C4orf50: variants seen among roughly 807,000 people sequenced by gnomAD.
The protein encoded by C4orf50 is uncharacterized protein C4orf50.
In C4orf50, 80 loss-of-function variants were observed where a neutral mutation model predicts 77.2. The ratio of observed to expected loss-of-function variants is 1.04; its 90% CI spans 0.87 to 1.25. The LOEUF is 1.25. C4orf50 is among the 50% of genes most tolerant of loss of function. The pLI, the probability that C4orf50 is intolerant of heterozygous loss-of-function variation, is 0.00. For synonymous variants in C4orf50, 532 were observed against 465.3 expected, an observed-to-expected ratio of 1.14 and a Z score of -1.84; for missense variants, 1,257 against 1,152.9, an observed-to-expected ratio of 1.09 and a Z score of -1.31.
At chr4:5,969,678 G>C (rs1485661151) in intron 31 of C4orf50, among the ~76,000 whole-genome samples, 1 of 152,104 alleles carries the variant, frequency 6.6e-6, no homozygotes, top group African/African-American at 2.4e-5. Context: ...GGGGTCTTTA[G>C]TCTAATTCAA....
In C4orf50 at chr4:6,003,533, T is replaced by C. The variant is rs555853202; in HGVS notation, c.963+4463A>G. On this transcript the variant is annotated intron_variant, in intron 25 of 33. Transcript: ENST00000531445. The stretch of plus-strand genomic sequence containing the variant: ...GGTGATGGTGATGATGATGTGGTGG[T>C]GATGGTGATGGTGACTGTGATGGTG... Among the ~76,000 whole-genome samples the C allele has an allele frequency of 2.4e-4, 36 of 151,498 alleles. No homozygotes were observed. In the South Asian group the frequency reaches 7.5e-3, roughly 32 times the overall value.
chr4:5,907,224 G>T (rs1322798894), intron 7 of C4orf50, among the ~76,000 whole-genome samples: 1 of 152,190 alleles, frequency 6.6e-6, no homozygotes, highest in Non-Finnish European at 1.5e-5. Context: ...CATTATACAT[G>T]ATAACATATA....
At chr4:5,926,242 A>C (rs1717505935) in intron 7 of C4orf50, among the ~76,000 whole-genome samples, 1 of 152,232 alleles carries the variant, frequency 6.6e-6, no homozygotes, top group Admixed American at 6.5e-5. Context: ...ATCCAGGGGA[A>C]CATTATTTAG....
chr4:5,993,919 C>T (rs1293835780), intron 26 of C4orf50, among the ~76,000 whole-genome samples: 2 of 151,990 alleles, frequency 1.3e-5, no homozygotes, highest in Non-Finnish European at 2.9e-5. Context: ...TTCTAAGCCC[C>T]AGCAGCTTCC....
At chr4:5,985,960 C>T (rs1720831126) in intron 28 of C4orf50, among the ~76,000 whole-genome samples, 1 of 152,138 alleles carries the variant, frequency 6.6e-6, no homozygotes, top group Admixed American at 6.5e-5. Flanking sequence ...CAGAGCGAGA[C>T]AGCGTCTCAA....
At chr4:6,010,881 G>A (rs1320015852) in intron 24 of C4orf50, among the ~76,000 whole-genome samples, 1 of 152,182 alleles carries the variant, frequency 6.6e-6, no homozygotes, top group Non-Finnish European at 1.5e-5. Context: ...CCTACTGTTG[G>A]GAGTCTTTTA....
Position 5,934,237 on chromosome 4 carries a change from G to A in C4orf50, c.*2474+22664C>T, listed in dbSNP as rs191727315. On this transcript the variant is annotated intron_variant, in intron 7 of 7. Transcript: ENST00000324058. ...GACAGTGTTTGGCGGCGACACAGGA[G>A]TCACGGCTGCTCTGAAACTCCACGA... Among the ~76,000 whole-genome samples the A allele has an allele frequency of 1.2e-3, 186 of 152,260 alleles. 1 individual carries two copies. In the South Asian group the frequency reaches 0.015, roughly 12 times the overall value.
chr4:5,991,785 T>A (rs1011338164), intron 27 of C4orf50, among the ~76,000 whole-genome samples: 13 of 152,040 alleles, frequency 8.6e-5, no homozygotes, highest in African/African-American at 3.1e-4. Context: ...GAGGGTGACA[T>A]ACCAGCAGCA....
rs745419122 is a variant in C4orf50 at position 5,959,361 on chromosome 4, AATGAGTGGCCCT to A, written c.*2_*13del. The A allele has an allele frequency of 1.9e-5, 31 of 1,607,404 alleles. No homozygotes were observed. The highest frequency in any genetic ancestry group is 8.4e-5 in the Admixed American group (5 of 59,714). ...TGGAGTCTATGAAATGGCTCCGGAGAATGAGTGGCCCTATTACATTTCTAACTCCAGCGGTGA... is the reference window on the plus strand; with the variant it reads ...TGGAGTCTATGAAATGGCTCCGGAGAATTACATTTCTAACTCCAGCGGTGA... On this transcript the variant is annotated 3_prime_UTR_variant, in exon 34 of 34. Transcript: ENST00000531445.
intron 7 of C4orf50, among the ~76,000 whole-genome samples, chr4:5,926,364 C>T (rs776246972): frequency 5.3e-5 from 8 of 152,288 alleles, no homozygotes; most frequent in Non-Finnish European, 1.2e-4. Context: ...TGATTCTCTT[C>T]CCACGAAGGG....
rs1426779823 is a variant in C4orf50, at chr4:5,924,034, G to T, written c.*2475-25846C>A. 2.6e-5 allele frequency among the ~76,000 whole-genome samples: 4 copies of T among 151,878 alleles called. No individual in the cohort carries two copies. The East Asian group carries it at 7.8e-4, about 29-fold the overall frequency. On this transcript the variant is annotated intron_variant, in intron 7 of 7. Coordinates refer to the C4orf50 transcript ENST00000324058. ...TAGGCTCCAAGTTCTTCAGCTTTTGGACTCTGGGACCTACACCAGTGGTTT... is the reference window on the plus strand; with the variant it reads ...TAGGCTCCAAGTTCTTCAGCTTTTGTACTCTGGGACCTACACCAGTGGTTT...
intron 29 of C4orf50, among the ~76,000 whole-genome samples, chr4:5,976,420 C>A (rs932354439): frequency 8.7e-4 from 124 of 142,490 alleles, no homozygotes; most frequent in African/African-American, 3.1e-3. Flanking sequence ...TGCGCCACTG[C>A]GCTCCAGCCT....
At chr4:6,005,059 C>A (rs1441105456) in intron 25 of C4orf50, among the ~76,000 whole-genome samples, 1 of 152,170 alleles carries the variant, frequency 6.6e-6, no homozygotes, top group African/African-American at 2.4e-5. Flanking sequence ...TGCCTGAAAG[C>A]ATCTCCTCTG....
Position 6,018,308 on chromosome 4 carries a change from C to T in C4orf50, c.124G>A (p.Asp42Asn). Residue 42 changes from aspartate to asparagine, a missense_variant, in exon 23 of 34, where the codon GAC becomes AAC. Physicochemically the swap from Asp to Asn is conservative, Grantham distance 23. Coordinates refer to ENST00000531445, the Ensembl canonical transcript of C4orf50. The surrounding 1 kb of genome is among the most constrained non-coding windows in gnomAD (Gnocchi z 5.1). Reference sequence around the variant, plus strand: ...CGCTCCTCAGCACTATCTTCCATGTCCTGGAATATCCAGGATGTGTCAATC... The same window carrying T: ...CGCTCCTCAGCACTATCTTCCATGTTCTGGAATATCCAGGATGTGTCAATC... 2.5e-6 allele frequency: 1 copy of T among 399,020 alleles called. No homozygotes were observed. Among genetic ancestry groups the T allele is most frequent in the Admixed American group, 4.4e-5 (1 of 22,726 alleles). The allele number at this position is 399,020 out of a possible 1,614,324, so 24.7% of individuals were successfully genotyped here. A position where few individuals can be genotyped will look rare whatever the true frequency, so the allele number is the denominator to read the frequency against.
At chr4:5,938,450 A>G (rs1288570754) in intron 7 of C4orf50, among the ~76,000 whole-genome samples, 1 of 152,184 alleles carries the variant, frequency 6.6e-6, no homozygotes, top group Non-Finnish European at 1.5e-5. Flanking sequence ...CAAGGATCCA[A>G]GGGTCACAGC....
chr4:5,983,746 A>G (rs745868386), intron 28 of C4orf50, among the ~76,000 whole-genome samples: 1 of 152,230 alleles, frequency 6.6e-6, no homozygotes, highest in African/African-American at 2.4e-5. Context: ...CCAAGCTGAA[A>G]GTGTTGGTCC....
At chr4:5,988,585 T>C in exon 28 of C4orf50, 1 of 1,536,454 alleles carries the variant, frequency 6.5e-7, no homozygotes, top group Non-Finnish European at 8.7e-7. Flanking sequence ...ACTCATTTCC[T>C]CCTCCAAGGG....
intron 25 of C4orf50, among the ~76,000 whole-genome samples, chr4:5,997,411 C>T (rs905795296): frequency 5.9e-5 from 9 of 152,206 alleles, no homozygotes; most frequent in African/African-American, 1.9e-4. Flanking sequence ...TGAAACATTG[C>T]CCATTGTCTA....
At chr4:5,923,571 G>C (rs908079008) in intron 7 of C4orf50, among the ~76,000 whole-genome samples, 1 of 152,000 alleles carries the variant, frequency 6.6e-6, no homozygotes, top group African/African-American at 2.4e-5. Context: ...ACAGGGCTGG[G>C]CGAGGGATCG....
Sources: allele counts gnomAD v4.1 joint callset (sites outside exome capture counted in the v4.1 genomes callset), GRCh38; gene constraint gnomAD v4.1.1; non-coding constraint Gnocchi (gnomAD v3.1); transcripts MANE v1.5; gene names NCBI Gene and HGNC (gene_info 2026-07-23, HGNC 2026-07-21).